Variants in SRXN1 observed in about 807,000 individuals in gnomAD.
The protein encoded by SRXN1 is sulfiredoxin-1.
SRXN1 carries 11 observed loss-of-function variants against 11.0 expected under a neutral mutation model. That is an observed-to-expected ratio of 1.00 (90% CI 0.63 to 1.65). The LOEUF (loss-of-function observed/expected upper bound fraction) is 1.65. Among genes scored for constraint, SRXN1 ranks in the 40% most tolerant of loss-of-function variants. SRXN1 has a pLI of 0.00. For missense variants in SRXN1, 211 were observed against 194.5 expected, an observed-to-expected ratio of 1.08 and a Z score of -0.50; for synonymous variants, 106 against 92.8, an observed-to-expected ratio of 1.14 and a Z score of -0.82.
Position 653,176 on chromosome 20 carries a change from G to T in SRXN1, c.10C>A (p.Arg4Ser). Residue 4 changes from arginine (R) to serine (S), a missense_variant, in exon 1 of 2, where the codon CGT (arginine) becomes AGT (serine). Coordinates refer to ENST00000381962, the MANE Select transcript of SRXN1 (RefSeq NM_080725.3). MGL[R>S]AGGTLGRAGA... is the part of the protein sequence containing the mutation. ...GCCCTGCCCAGCGTTCCTCCTGCAC[G>T]CAGCCCCATCGTCGCCGCCGCCGCG... The T allele has an allele frequency of 8.0e-7, 1 of 1,251,392 alleles. No individual in the cohort carries two copies. The highest frequency in any genetic ancestry group is 3.6e-5 in the East Asian group (1 of 28,164). The allele number at this position is 1,251,392 out of a possible 1,614,324, so 77.5% of individuals were successfully genotyped here. A position where few individuals can be genotyped will look rare whatever the true frequency, so the allele number is the denominator to read the frequency against.
At position 653,182 on chromosome 20, in the gene SRXN1, C is replaced by A; in HGVS notation, c.4G>T (p.Gly2Trp). 1 of 1,242,054 alleles carries A rather than the reference C, an allele frequency of 8.1e-7. No individual in the cohort carries two copies. The highest frequency in any genetic ancestry group is 2.9e-5 in the South Asian group (1 of 34,282). The allele number at this position is 1,242,054 out of a possible 1,614,324, so 76.9% of individuals were successfully genotyped here. The change falls in exon 1 of 2, where the codon GGG becomes TGG. Residue 2 changes from glycine to tryptophan, a missense_variant. Physicochemically the swap from Gly to Trp is radical, Grantham distance 184 (BLOSUM62 -2). Coordinates refer to ENST00000381962, the MANE Select transcript of SRXN1 (RefSeq NM_080725.3). ...CCCAGCGTTCCTCCTGCACGCAGCC[C>A]CATCGTCGCCGCCGCCGCGGGACTC... is the stretch of plus-strand genomic sequence containing the variant. M[G>W]LRAGGTLGRA... is the part of the protein sequence containing the mutation.
rs1334978119 is a variant in SRXN1, at chr20:648,068, A to G, written c.*646T>C. On this transcript the variant is annotated 3_prime_UTR_variant, in exon 2 of 2. Transcript: ENST00000381962. ...GGAGAGAGCAGGAAACAGACTTCTG[A>G]CGAGGTTTTACTTTCTGATAGAAGG... is the stretch of plus-strand genomic sequence containing the variant. 1.3e-5 allele frequency: 6 copies of G among 456,162 alleles called. No individual in the cohort carries two copies. In the East Asian group the frequency reaches 4.2e-4, roughly 32 times the overall value. 28.3% of individuals were successfully genotyped at this position (456,162 alleles called of 1,614,324 possible).
At position 653,197 on chromosome 20, in the gene SRXN1, C is replaced by T. The variant is rs1983728768; in HGVS notation, c.-12G>A. On this transcript the variant is annotated 5_prime_UTR_variant, in exon 1 of 2. Transcript: ENST00000381962. Reference sequence around the variant, plus strand: ...GCACGCAGCCCCATCGTCGCCGCCGCCGCGGGACTCGCCGCCTCCCCCCGG... The same window carrying T: ...GCACGCAGCCCCATCGTCGCCGCCGTCGCGGGACTCGCCGCCTCCCCCCGG... 1 of 1,225,988 alleles carries T rather than the reference C, an allele frequency of 8.2e-7. No individual in the cohort carries two copies. Among genetic ancestry groups the T allele is most frequent in the Non-Finnish European group, 1.0e-6 (1 of 984,822 alleles). 75.9% of individuals were successfully genotyped at this position (1,225,988 alleles called of 1,614,324 possible).
rs1388704907 is a variant in SRXN1, at chr20:647,765, T to C, written c.*949A>G. On this transcript the variant is annotated 3_prime_UTR_variant, in exon 2 of 2. Transcript: ENST00000381962. ...GAGCCCAGCCCAAATTGCCAACCCA[T>C]AGGATTGTGGGAAAATACAGGGTTT... 4 of 340,898 alleles carry C rather than the reference T, an allele frequency of 1.2e-5. No homozygotes were observed. Among genetic ancestry groups the C allele is most frequent in the African/African-American group, 2.1e-5 (1 of 46,514 alleles). 21.1% of individuals were successfully genotyped at this position (340,898 alleles called of 1,614,324 possible).
intron 1 of SRXN1, among the ~76,000 whole-genome samples, chr20:649,268 C>T (rs1418312724): frequency 6.6e-6 from 1 of 152,182 alleles, no homozygotes; most frequent in Non-Finnish European, 1.5e-5. Context: ...CTTCAAGGGG[C>T]TCCAGTCTAG....
At chr20:652,190 C>T (rs961086528) in intron 1 of SRXN1, among the ~76,000 whole-genome samples, 2 of 152,030 alleles carry the variant, frequency 1.3e-5, no homozygotes, top group Non-Finnish European at 2.9e-5. Context: ...GAAGTGGCTC[C>T]AGGCAGTGAG....
intron 1 of SRXN1, among the ~76,000 whole-genome samples, chr20:650,230 G>T (rs1983637981): frequency 6.6e-6 from 1 of 152,192 alleles, no homozygotes; most frequent in Non-Finnish European, 1.5e-5. Flanking sequence ...ACTTGGCAGG[G>T]TGGACAGGGC....
In SRXN1 at chr20:648,802, T is replaced by C. The variant is rs1426257798; in HGVS notation, c.326A>G (p.Gln109Arg). 4.3e-6 allele frequency: 7 copies of C among 1,614,238 alleles called. No homozygotes were observed. The highest frequency in any genetic ancestry group is 5.9e-6 in the Non-Finnish European group (7 of 1,180,034). ...CHRYAAYQQL[Q>R]RETIPAKLVQ... ...AAGCTTGGCGGGGATGGTCTCTCGC[T>C]GCAGTTGCTGGTAGGCCGCGTAGCG... The change falls in exon 2 of 2, where the codon CAG (glutamine) becomes CGG (arginine). Residue 109 changes from glutamine to arginine, a missense_variant. Gln to Arg is a conservative substitution (Grantham distance 43). Coordinates refer to ENST00000381962, the MANE Select transcript of SRXN1 (RefSeq NM_080725.3).
At position 648,930 on chromosome 20, in the gene SRXN1, G is replaced by A. The variant is rs746683088; in HGVS notation, c.211-13C>T. 30 of 1,613,642 alleles carry A rather than the reference G, an allele frequency of 1.9e-5. No individual in the cohort carries two copies. Among genetic ancestry groups the A allele is most frequent in the Non-Finnish European group, 2.4e-5 (28 of 1,179,876 alleles). On this transcript the variant is annotated splice_polypyrimidine_tract_variant and intron_variant, in intron 1 of 1. Transcript: ENST00000381962. The stretch of plus-strand genomic sequence containing the variant: ...TGTCTGGGTCCTCCTGGGGAGAAGA[G>A]GCACAGAGTCAATGGACATGGTACA...
Position 647,962 on chromosome 20 carries a change from T to C in SRXN1, c.*752A>G, listed in dbSNP as rs1347026928. ...ATTCAGCCATGACAATTCTGTTCCC[T>C]GCTGTCTTAGCTTTGTTTGCAGCTA... is the stretch of plus-strand genomic sequence containing the variant. On this transcript the variant is annotated 3_prime_UTR_variant, in exon 2 of 2. Coordinates refer to ENST00000381962, the MANE Select transcript of SRXN1 (RefSeq NM_080725.3). 1 of 411,536 alleles carries C rather than the reference T, an allele frequency of 2.4e-6. No individual in the cohort carries two copies. Among genetic ancestry groups the C allele is most frequent in the Non-Finnish European group, 4.9e-6 (1 of 204,250 alleles). 25.5% of individuals were successfully genotyped at this position (411,536 alleles called of 1,614,324 possible).
rs1351885843 is a variant in SRXN1, at chr20:647,989, AG to A, written c.*724del. 1 of 434,998 alleles carries A rather than the reference AG, an allele frequency of 2.3e-6. No individual in the cohort carries two copies. Among genetic ancestry groups the A allele is most frequent in the Non-Finnish European group, 4.6e-6 (1 of 215,604 alleles). The allele number at this position is 434,998 out of a possible 1,614,324, so 26.9% of individuals were successfully genotyped here. On this transcript the variant is annotated 3_prime_UTR_variant, in exon 2 of 2. Coordinates refer to ENST00000381962, the MANE Select transcript of SRXN1 (RefSeq NM_080725.3). ...CTGTCTTAGCTTTGTTTGCAGCTAG[AG>A]GTGCAATGGTAGCTGGCTCGGGCCA...
rs537005790 is a variant in SRXN1, at chr20:649,678, G to A, written c.211-761C>T. On this transcript the variant is annotated intron_variant, in intron 1 of 1. Transcript: ENST00000381962. Reference sequence around the variant, plus strand: ...GATCGCACCATTGCACTCCAGCCTCGGCGATGGAACGAGAATCCATCTCAA... The same window carrying A: ...GATCGCACCATTGCACTCCAGCCTCAGCGATGGAACGAGAATCCATCTCAA... 1.6e-3 allele frequency among the ~76,000 whole-genome samples: 244 copies of A among 151,168 alleles called. 1 individual carries two copies. The highest frequency in any genetic ancestry group is 3.1e-3 in the Non-Finnish European group (208 of 67,868).
rs1265905717 is a variant in SRXN1, at chr20:646,686, T to C, written c.*2028A>G. On this transcript the variant is annotated 3_prime_UTR_variant, in exon 2 of 2. Coordinates refer to ENST00000381962, the MANE Select transcript of SRXN1 (RefSeq NM_080725.3). Reference sequence around the variant, plus strand: ...ATTTACAGAGAAGTTGCAGAGATAGTACAAAGAGTTCCTGTATACCCTTCA... The same window carrying C: ...ATTTACAGAGAAGTTGCAGAGATAGCACAAAGAGTTCCTGTATACCCTTCA... 6.6e-6 allele frequency: 1 copy of C among 151,560 alleles called. No homozygotes were observed. Among genetic ancestry groups the C allele is most frequent in the African/African-American group, 2.4e-5 (1 of 41,154 alleles). The allele number at this position is 151,560 out of a possible 1,614,324, so 9.4% of individuals were successfully genotyped here. A position where few individuals can be genotyped will look rare whatever the true frequency, so the allele number is the denominator to read the frequency against.
In SRXN1 at chr20:648,240, C is replaced by T. The variant is rs1337217731; in HGVS notation, c.*474G>A. The T allele has an allele frequency of 2.2e-6, 1 of 456,440 alleles. No homozygotes were observed. The highest frequency in any genetic ancestry group is 6.9e-5 in the East Asian group (1 of 14,414). 28.3% of individuals were successfully genotyped at this position (456,440 alleles called of 1,614,324 possible). ...GGCAAAAGGATCCAAGACGTGACCCCTACCTTCGTGGAGTTGTTGAACCAA... is the reference window on the plus strand; with the variant it reads ...GGCAAAAGGATCCAAGACGTGACCCTTACCTTCGTGGAGTTGTTGAACCAA... On this transcript the variant is annotated 3_prime_UTR_variant, in exon 2 of 2. Transcript: ENST00000381962.
At chr20:652,904 GACCTCCCTCCTCCGGCA>G (rs140429049) in intron 1 of SRXN1, 55 bp downstream of exon 1, 220,154 of 1,316,732 alleles carry the variant, frequency 0.17, 20,390 homozygotes, top group South Asian at 0.36. Flanking sequence ...CCATCGCAGC[GACCTCCCTCCTCCGGCA>G]ACCTCCCTCC....
At chr20:649,044 T>C in intron 1 of SRXN1, 127 bp from the exon 2 acceptor site, 1 of 994,984 alleles carries the variant, frequency 1.0e-6, no homozygotes. Context: ...GAGACAACTG[T>C]TAATTATCAG....
Position 647,092 on chromosome 20 carries a change from CCCTCTGGAATGT to C in SRXN1, c.*1610_*1621del. The C allele has an allele frequency of 6.6e-6, 1 of 152,374 alleles. No homozygotes were observed. The highest frequency in any genetic ancestry group is 1.5e-5 in the Non-Finnish European group (1 of 68,110). The allele number at this position is 152,374 out of a possible 1,614,324, so 9.4% of individuals were successfully genotyped here. A position where few individuals can be genotyped will look rare whatever the true frequency, so the allele number is the denominator to read the frequency against. On this transcript the variant is annotated 3_prime_UTR_variant, in exon 2 of 2. Transcript: ENST00000381962. ...CCAGGGACTCTTGGTTTTCAGAAGC[CCCTCTGGAATGT>C]CCTACCTGGCCTAACCCCATACCAG...
At chr20:652,830 C>G in intron 1 of SRXN1, 146 bp downstream of exon 1, 1 of 1,247,624 alleles carries the variant, frequency 8.0e-7, no homozygotes, top group Non-Finnish European at 1.0e-6. Context: ...GGCCCAGCTA[C>G]TTGCTCAAGG....
rs1261208160 is a variant in SRXN1, at chr20:653,156, GC to G, written c.29del (p.Gly10AlafsTer37). 1.6e-6 allele frequency: 2 copies of G among 1,277,126 alleles called. No homozygotes were observed. The highest frequency in any genetic ancestry group is 2.0e-6 in the Non-Finnish European group (2 of 1,015,762). The allele number at this position is 1,277,126 out of a possible 1,614,324, so 79.1% of individuals were successfully genotyped here. A position where few individuals can be genotyped will look rare whatever the true frequency, so the allele number is the denominator to read the frequency against. On this transcript the variant is annotated frameshift_variant, in exon 1 of 2. Coordinates refer to ENST00000381962, the MANE Select transcript of SRXN1 (RefSeq NM_080725.3). LOFTEE classifies it high-confidence loss of function. MGLRAGGTLGRAGAGRGAPE... is the reference protein window; with the variant it reads MGLRAGGTLXRAGAGRGAPE... Reference sequence around the variant, plus strand: ...GCGCCCCCCGACCCGCGCCGGCCCTGCCCAGCGTTCCTCCTGCACGCAGCCC... The same window carrying G: ...GCGCCCCCCGACCCGCGCCGGCCCTGCCAGCGTTCCTCCTGCACGCAGCCC...
Sources: allele counts gnomAD v4.1 joint callset (sites outside exome capture counted in the v4.1 genomes callset), GRCh38; gene constraint gnomAD v4.1.1; transcripts MANE v1.5; gene names NCBI Gene and HGNC (gene_info 2026-07-23, HGNC 2026-07-21).